Variants in CYBC1 observed in about 807,000 individuals in gnomAD.
CYBC1 encodes the protein cytochrome b-245 chaperone 1.
A neutral mutation model predicts 21.7 loss-of-function variants in CYBC1; 22 were observed. The ratio of observed to expected loss-of-function variants is 1.02; its 90% CI spans 0.73 to 1.45. CYBC1 has a LOEUF of 1.45. CYBC1 is among the 40% of genes most tolerant of loss of function. CYBC1 has a pLI of 0.00. For missense variants in CYBC1, 237 were observed against 242.1 expected, an observed-to-expected ratio of 0.98 and a Z score of 0.14; for synonymous variants, 112 against 98.7, an observed-to-expected ratio of 1.13 and a Z score of -0.80.
rs367935049 is a variant in CYBC1 at position 82,447,435 on chromosome 17, G to A, written c.127+145C>T. The A allele has an allele frequency of 2.9e-4, 211 of 715,464 alleles. No homozygotes were observed. The East Asian group carries it at 4.3e-3, about 14-fold the overall frequency. 44.3% of individuals were successfully genotyped at this position (715,464 alleles called of 1,614,324 possible). ...GGAAGAACAGCAGCGCATGGAGGGC[G>A]CGGTGCCCGCCAGCAATCAAGGGGC... On this transcript the variant is annotated intron_variant, in intron 3 of 6. Transcript: ENST00000306645.
In CYBC1 at chr17:82,444,076, G is replaced by C; in HGVS notation, c.492C>G (p.His164Gln). The C allele has an allele frequency of 6.2e-7, 1 of 1,613,500 alleles. No individual in the cohort carries two copies. Among genetic ancestry groups the C allele is most frequent in the Admixed American group, 1.7e-5 (1 of 60,012 alleles). Residue 164 changes from histidine to glutamine, a missense_variant, in exon 7 of 7, where the codon CAC becomes CAG. Transcript: ENST00000306645. ...AKLITSFLEL[H>Q]CLESPTELSQ... Reference sequence around the variant, plus strand: ...ACAGCTCTGTGGGGCTCTCAAGGCAGTGCAGCTCCAGGAAGCTGGTGATGA... The same window carrying C: ...ACAGCTCTGTGGGGCTCTCAAGGCACTGCAGCTCCAGGAAGCTGGTGATGA...
At chr17:82,449,670 C>G (rs2054482594) in intron 1 of CYBC1, 1 of 176,708 alleles carries the variant, frequency 5.7e-6, no homozygotes, top group Admixed American at 6.3e-5. Context: ...CTCCCCTGTG[C>G]TGGCCTCCAC....
chr17:82,444,084 C>T lies in CYBC1; in HGVS notation c.484G>A (p.Glu162Lys). 3 of 1,613,314 alleles carry T rather than the reference C, an allele frequency of 1.9e-6. No individual in the cohort carries two copies. Among genetic ancestry groups the T allele is most frequent in the Non-Finnish European group, 2.5e-6 (3 of 1,179,684 alleles). ...GTGGGGCTCTCAAGGCAGTGCAGCTCCAGGAAGCTGGTGATGAGCTTGGCG... is the reference window on the plus strand; with the variant it reads ...GTGGGGCTCTCAAGGCAGTGCAGCTTCAGGAAGCTGGTGATGAGCTTGGCG... ...AIAKLITSFL[E>K]LHCLESPTEL... The change falls in exon 7 of 7, where the codon GAG becomes AAG. Residue 162 changes from glutamate to lysine, a missense_variant. By Grantham distance (56) the Glu-to-Lys change is moderately conservative (BLOSUM62 1). Coordinates refer to ENST00000306645, the MANE Select transcript of CYBC1 (RefSeq NM_001033046.4).
At chr17:82,449,628 C>T (rs1476604942) in intron 1 of CYBC1, 1 of 223,958 alleles carries the variant, frequency 4.5e-6, no homozygotes, top group Non-Finnish European at 8.6e-6. Flanking sequence ...CCCCAGCAGC[C>T]TTTAAGCTTC....
chr17:82,444,739 G>A (rs905603532), intron 5 of CYBC1, 148 bp from the exon 6 acceptor site: 30 of 1,047,110 alleles, frequency 2.9e-5, no homozygotes, highest in Middle Eastern at 2.4e-4. Flanking sequence ...GCTGGGCCCC[G>A]GAGGACTGCT....
rs2054384819 is a variant in CYBC1, at chr17:82,447,573, G to A, written c.127+7C>T. 1 of 1,598,188 alleles carries A rather than the reference G, an allele frequency of 6.3e-7. No homozygotes were observed. On this transcript the variant is annotated splice_region_variant and intron_variant, in intron 3 of 6. Coordinates refer to ENST00000306645, the MANE Select transcript of CYBC1 (RefSeq NM_001033046.4). ...GTCATGGGGGGGTGGGGCGGGGGGTGCTTTACCTCCGCTGTAGTAGGCAGC... is the reference window on the plus strand; with the variant it reads ...GTCATGGGGGGGTGGGGCGGGGGGTACTTTACCTCCGCTGTAGTAGGCAGC...
intron 3 of CYBC1, 22 bp downstream of exon 3, chr17:82,447,558 G>C (rs779912420): frequency 1.3e-6 from 2 of 1,579,128 alleles, no homozygotes; most frequent in African/African-American, 1.3e-5. Context: ...GTCATGGGGG[G>C]GTGGGGCGGG....
intron 3 of CYBC1, chr17:82,447,352 CAAA>C (rs59578640): frequency 4.1e-3 from 1,875 of 462,846 alleles, no homozygotes; most frequent in Non-Finnish European, 4.5e-3. Flanking sequence ...GACTCCGTCT[CAAA>C]AAAAAAAAAA....
In CYBC1 at chr17:82,442,825, C is replaced by G; in HGVS notation, c.*1179G>C. On this transcript the variant is annotated 3_prime_UTR_variant, in exon 7 of 7. Transcript: ENST00000306645. The surrounding 1 kb of genome is among the most constrained non-coding windows in gnomAD (Gnocchi z 6.8). ...TTCCTGGGCCTGCCGCCTAGGGGCT[C>G]ACAGGGCCCAGGAGTCCCCAGCTCA... is the stretch of plus-strand genomic sequence containing the variant. The G allele has an allele frequency of 6.1e-6, 3 of 495,620 alleles. No homozygotes were observed. The highest frequency in any genetic ancestry group is 3.1e-5 in the South Asian group (1 of 32,270). The allele number at this position is 495,620 out of a possible 1,614,324, so 30.7% of individuals were successfully genotyped here.
chr17:82,444,048 G>T lies in CYBC1; in HGVS notation c.520C>A (p.Gln174Lys), dbSNP rs2054119138. 1 of 1,613,596 alleles carries T rather than the reference G, an allele frequency of 6.2e-7. No individual in the cohort carries two copies. The highest frequency in any genetic ancestry group is 1.1e-5 in the South Asian group (1 of 91,070). Residue 174 changes from glutamine to lysine, a missense_variant, in exon 7 of 7, where the codon CAG (glutamine) becomes AAG (lysine). Transcript: ENST00000306645. ...TCACCGGCCTCACTGTCGCTGCTCT[G>T]AGACAGCTCTGTGGGGCTCTCAAGG... ...HCLESPTELS[Q>K]SSDSEAGDPA...
Position 82,444,496 on chromosome 17 carries a change from T to C in CYBC1, c.394A>G (p.Thr132Ala), listed in dbSNP as rs1162671167. ...TGCGTGAGGGGGTGGGAGAAGCCCG[T>C]CGCAAGCCGGAGCACCACCATGTAG... Reference protein sequence around the residue: ...KGYMVVLRLATGFSHPLTQSA... With the variant: ...KGYMVVLRLAAGFSHPLTQSA... The change falls in exon 6 of 7, where the codon ACG becomes GCG. Residue 132 changes from threonine to alanine, a missense_variant. Coordinates refer to ENST00000306645, the MANE Select transcript of CYBC1 (RefSeq NM_001033046.4). The C allele has an allele frequency of 2.5e-6, 4 of 1,613,754 alleles. No homozygotes were observed. The highest frequency in any genetic ancestry group is 3.4e-6 in the Non-Finnish European group (4 of 1,179,898).
At chr17:82,444,224 ACCCTGGAG>A in intron 6 of CYBC1, 100 bp from the exon 7 acceptor site, 1 of 1,514,574 alleles carries the variant, frequency 6.6e-7, no homozygotes, top group Non-Finnish European at 8.9e-7. Context: ...CCTCCCGCAG[ACCCTGGAG>A]CTCCCAAACT....
intron 3 of CYBC1, chr17:82,447,320 T>A: frequency 1.9e-6 from 1 of 519,574 alleles, no homozygotes; most frequent in African/African-American, 2.0e-5. Flanking sequence ...GCCACTGCAC[T>A]CCAGCCTGGG....
intron 2 of CYBC1, chr17:82,447,863 G>A: frequency 1.7e-6 from 1 of 593,462 alleles, no homozygotes; most frequent in Non-Finnish European, 3.0e-6. Context: ...GGGAGGCCGA[G>A]GAAGGAAGAG....
In CYBC1 at chr17:82,449,258, G is replaced by T. The variant is rs113748563; in HGVS notation, c.-4C>A. 2,313 of 1,563,140 alleles carry T rather than the reference G, an allele frequency of 1.5e-3. 10 individuals carry two copies. The highest frequency in any genetic ancestry group is 5.5e-3 in the South Asian group (465 of 84,994). On this transcript the variant is annotated 5_prime_UTR_variant, in exon 2 of 7. Coordinates refer to ENST00000306645, the MANE Select transcript of CYBC1 (RefSeq NM_001033046.4). ...GGGTCTCCACCTGCAGGTACATCCC[G>T]AGAGGGCAGCACCACTCTCTACAGG...
rs986308512 is a variant in CYBC1 at position 82,445,846 on chromosome 17, A to C, written c.298+18T>G. 1.3e-5 allele frequency: 21 copies of C among 1,591,622 alleles called. No homozygotes were observed. The highest frequency in any genetic ancestry group is 1.6e-5 in the Non-Finnish European group (19 of 1,166,198). On this transcript the variant is annotated intron_variant, in intron 5 of 6. Coordinates refer to ENST00000306645, the MANE Select transcript of CYBC1 (RefSeq NM_001033046.4). The stretch of plus-strand genomic sequence containing the variant: ...CTCTGTGGCCGTGTCCCATGTCCCC[A>C]CGCTCCCCACGACTCACCCTGGTCG...
At chr17:82,444,330 G>A in intron 6 of CYBC1, 117 bp downstream of exon 6, 16 of 1,481,910 alleles carry the variant, frequency 1.1e-5, no homozygotes, top group Non-Finnish European at 1.4e-5. Flanking sequence ...GGGCCCCTCT[G>A]TGTCCCGTCC....
Position 82,449,216 on chromosome 17 carries a change from G to C in CYBC1, c.39C>G (p.Leu13=). Residue 13 remains leucine (L), a synonymous_variant, in exon 2 of 7, where the codon CTC becomes CTG. Transcript: ENST00000306645. ...GGATGCCTGGAGCCCTCTTCAGATG[G>C]AGGCGGGAGCTGGTGCGGGTCTCCA... ...LQVETRTSSR[L]HLKRAPGIRS... is the part of the protein sequence containing the mutation. The C allele has an allele frequency of 6.3e-7, 1 of 1,583,122 alleles. No homozygotes were observed. The highest frequency in any genetic ancestry group is 8.6e-7 in the Non-Finnish European group (1 of 1,164,796).
chr17:82,442,649 G>C lies in CYBC1; in HGVS notation c.*1355C>G. On this transcript the variant is annotated 3_prime_UTR_variant, in exon 7 of 7. Coordinates refer to ENST00000306645, the MANE Select transcript of CYBC1 (RefSeq NM_001033046.4). The surrounding 1 kb of genome is among the most constrained non-coding windows in gnomAD (Gnocchi z 6.8). The stretch of plus-strand genomic sequence containing the variant: ...AAAGAGTGGAAGCTGCAGGTGACAC[G>C]TGAAGGGTTATTTATGGTTATGATG... 2 of 1,477,346 alleles carry C rather than the reference G, an allele frequency of 1.4e-6. No individual in the cohort carries two copies. The highest frequency in any genetic ancestry group is 1.4e-5 in the African/African-American group (1 of 71,756). 91.5% of individuals were successfully genotyped at this position (1,477,346 alleles called of 1,614,324 possible). A position where few individuals can be genotyped will look rare whatever the true frequency, so the allele number is the denominator to read the frequency against.
Sources: allele counts gnomAD v4.1 joint callset, GRCh38; gene constraint gnomAD v4.1.1; non-coding constraint Gnocchi (gnomAD v3.1); transcripts MANE v1.5; gene names NCBI Gene and HGNC (gene_info 2026-07-23, HGNC 2026-07-21).